The following PRKG1 variants were observed in gnomAD, a reference collection of about 807,000 sequenced individuals.
PRKG1 encodes protein kinase cGMP-dependent 1.
Under a neutral mutation model 88.1 loss-of-function variants are expected in PRKG1, and 35 were observed. That is an observed-to-expected ratio of 0.40 (90% CI 0.30 to 0.53). PRKG1 has a LOEUF of 0.53. Ranked by LOEUF, PRKG1 falls within the 20% of genes least tolerant of loss-of-function variation. The pLI is 0.59. For missense variants in PRKG1, 540 were observed against 839.8 expected (o/e 0.64, Z 4.41); for synonymous variants, 303 against 292.5 (o/e 1.04, Z -0.37).
rs140522851 is a variant in PRKG1, at chr10:52,220,923, G to A, written c.1077-30647G>A. On this transcript the variant is annotated intron_variant, in intron 9 of 17. Transcript: ENST00000373980. ...AATACAATGATTTACATTCCTTTGG[G>A]TGTTGCTGGATTGAATGATATTTCT... Among the ~76,000 whole-genome samples the A allele has an allele frequency of 4.4e-3, 649 of 147,878 alleles. 4 individuals carry two copies. Among genetic ancestry groups the A allele is most frequent in the Non-Finnish European group, 6.8e-3 (451 of 66,488 alleles).
intron 1 of PRKG1, among the ~76,000 whole-genome samples, chr10:51,026,290 A>G (rs1376652064): frequency 6.6e-6 from 1 of 152,188 alleles, no homozygotes; most frequent in Non-Finnish European, 1.5e-5. Context: ...GGAAGCTAAT[A>G]CAGAGGGGAA....
chr10:51,277,652 C>A (rs1840163805), intron 2 of PRKG1, among the ~76,000 whole-genome samples: 1 of 152,156 alleles, frequency 6.6e-6, no homozygotes, highest in African/African-American at 2.4e-5. Flanking sequence ...GTTTGTAGTT[C>A]TCCTTGAAGA....
intron 4 of PRKG1, among the ~76,000 whole-genome samples, chr10:51,890,364 TA>T (rs1841687848): frequency 6.6e-6 from 1 of 152,160 alleles, no homozygotes; most frequent in South Asian, 2.1e-4. Context: ...ACTCCTACAC[TA>T]ATCCATCAAA....
intron 2 of PRKG1, among the ~76,000 whole-genome samples, chr10:51,411,262 A>G (rs1048852901): frequency 6.6e-6 from 1 of 152,124 alleles, no homozygotes; most frequent in Non-Finnish European, 1.5e-5. Context: ...CGGCCTCCCA[A>G]AGTGCTGGGA....
At chr10:51,523,348 T>C (rs1841787039) in intron 3 of PRKG1, among the ~76,000 whole-genome samples, 1 of 152,200 alleles carries the variant, frequency 6.6e-6, no homozygotes, top group Non-Finnish European at 1.5e-5. Flanking sequence ...GCAGTTCAGC[T>C]CAGGAAATGT....
chr10:51,420,599 G>A (rs188691488), intron 2 of PRKG1, among the ~76,000 whole-genome samples: 105 of 152,246 alleles, frequency 6.9e-4, no homozygotes, highest in Middle Eastern at 6.8e-3. Flanking sequence ...GTGAACCACA[G>A]ATACATTGAT....
intron 2 of PRKG1, among the ~76,000 whole-genome samples, chr10:51,242,512 G>C (rs1184360513): frequency 6.6e-6 from 1 of 152,144 alleles, no homozygotes; most frequent in Non-Finnish European, 1.5e-5. Flanking sequence ...TTGTGCATCT[G>C]TAATACCCTG....
At chr10:51,727,285 A>T (rs10823478) in intron 3 of PRKG1, among the ~76,000 whole-genome samples, 93,590 of 139,800 alleles carry the variant, frequency 0.67, 32,223 homozygotes, top group African/African-American at 0.84. Context: ...AAAAAAAAAA[A>T]ATATATATAT....
chr10:51,087,284 TTATTGATGA>T (rs1448917761), intron 1 of PRKG1, among the ~76,000 whole-genome samples: 6 of 150,288 alleles, frequency 4.0e-5, no homozygotes, highest in Admixed American at 6.6e-5. Context: ...TAATGGTCAA[TTATTGATGA>T]TGATGATGAT....
chr10:51,711,709 A>C (rs1474742085), intron 3 of PRKG1, among the ~76,000 whole-genome samples: 1 of 152,212 alleles, frequency 6.6e-6, no homozygotes, highest in South Asian at 2.1e-4. Flanking sequence ...TCCTGTGTGT[A>C]GGAGGAAGCT....
At chr10:51,946,008 G>T (rs2133041251) in intron 5 of PRKG1, among the ~76,000 whole-genome samples, 1 of 151,614 alleles carries the variant, frequency 6.6e-6, no homozygotes, top group South Asian at 2.1e-4. Context: ...GGCCTGCCTT[G>T]CTAGATTGGG....
intron 3 of PRKG1, among the ~76,000 whole-genome samples, chr10:51,669,782 T>A (rs1840511981): frequency 6.6e-6 from 1 of 152,196 alleles, no homozygotes; most frequent in Non-Finnish European, 1.5e-5. Context: ...TGAGACTTGA[T>A]TTACAGCCTA....
chr10:51,078,915 CTATTTT>C (rs1312008236), intron 1 of PRKG1, among the ~76,000 whole-genome samples: 20 of 152,066 alleles, frequency 1.3e-4, no homozygotes, highest in African/African-American at 4.8e-4. Context: ...CGCACCCGGC[CTATTTT>C]TATTTTTAAG....
At chr10:51,785,124 CTT>C (rs539528854) in intron 3 of PRKG1, among the ~76,000 whole-genome samples, 6 of 138,170 alleles carry the variant, frequency 4.3e-5, no homozygotes, top group Admixed American at 7.3e-5. Context: ...ATTTCTTCTT[CTT>C]TTTTTTTTTT....
intron 9 of PRKG1, among the ~76,000 whole-genome samples, chr10:52,180,756 C>G (rs1328604326): frequency 6.6e-6 from 1 of 152,098 alleles, no homozygotes; most frequent in African/African-American, 2.4e-5. Flanking sequence ...AGGTTAGGAG[C>G]ATGTACATGC....
chr10:52,108,519 G>C (rs1452269938), intron 7 of PRKG1, among the ~76,000 whole-genome samples: 1 of 152,092 alleles, frequency 6.6e-6, no homozygotes, highest in Non-Finnish European at 1.5e-5. Context: ...CTGCCCAAGT[G>C]AATCGCATTT....
chr10:51,168,233 A>G (rs913983151), intron 2 of PRKG1, among the ~76,000 whole-genome samples: 1 of 152,034 alleles, frequency 6.6e-6, no homozygotes, highest in Admixed American at 6.5e-5. Context: ...TTTTCTCAGT[A>G]GTATACAGTG....
chr10:51,945,651 G>A (rs1843013298), intron 5 of PRKG1, among the ~76,000 whole-genome samples: 1 of 151,122 alleles, frequency 6.6e-6, no homozygotes, highest in African/African-American at 2.4e-5. Flanking sequence ...GGCAGGCCTG[G>A]TGGTGACAAA....
intron 4 of PRKG1, among the ~76,000 whole-genome samples, chr10:51,807,179 T>A (rs189345787): frequency 1.1e-4 from 16 of 152,344 alleles, no homozygotes; most frequent in Non-Finnish European, 2.4e-4. Context: ...AGGCACTTTA[T>A]AGAACAGTGA....
Sources: allele counts gnomAD v4.1 joint callset (sites outside exome capture counted in the v4.1 genomes callset), GRCh38; gene constraint gnomAD v4.1.1; transcripts MANE v1.5; gene names NCBI Gene and HGNC (gene_info 2026-07-23, HGNC 2026-07-21).